MSMB: variants seen among roughly 807,000 people sequenced by gnomAD.
The protein encoded by MSMB is beta-microseminoprotein.
A neutral mutation model predicts 10.5 loss-of-function variants in MSMB; 10 were observed. That is an observed-to-expected ratio of 0.95 (90% CI 0.59 to 1.62). The LOEUF (loss-of-function observed/expected upper bound fraction) is 1.62, where lower values mean the gene tolerates loss of function less well. MSMB is among the 40% of genes most tolerant of loss of function. The pLI is 0.00. For missense variants in MSMB, 126 were observed against 137.4 expected (o/e 0.92, Z 0.42); for synonymous variants, 43 against 46.5 (o/e 0.93, Z 0.30).
At chr10:46,035,165 T>C (rs1469072409) in intron 3 of MSMB, among the ~76,000 whole-genome samples, 2 of 152,162 alleles carry the variant, frequency 1.3e-5, no homozygotes, top group Non-Finnish European at 2.9e-5. Flanking sequence ...TGTTTAAAGG[T>C]GATTGCTGGC....
chr10:46,043,755 A>G (rs1477645546), intron 1 of MSMB, among the ~76,000 whole-genome samples: 8 of 151,858 alleles, frequency 5.3e-5, no homozygotes. Flanking sequence ...GCTCACTGCA[A>G]CCTCCGCCTC....
At chr10:46,041,794 T>TA (rs543118188) in intron 1 of MSMB, among the ~76,000 whole-genome samples, 1,901 of 140,828 alleles carry the variant, frequency 0.013, 33 homozygotes, top group African/African-American at 0.046. Flanking sequence ...ACCCTGTCTT[T>TA]AAAAAAAAAA....
chr10:46,043,818 G>A (rs1840809996), intron 1 of MSMB, among the ~76,000 whole-genome samples: 2 of 152,138 alleles, frequency 1.3e-5, no homozygotes, highest in Non-Finnish European at 2.9e-5. Context: ...GGGATTACAG[G>A]AGTGCACCAC....
intron 1 of MSMB, among the ~76,000 whole-genome samples, chr10:46,044,519 T>G (rs1168093760): frequency 7.7e-6 from 1 of 130,200 alleles, no homozygotes; most frequent in Non-Finnish European, 1.5e-5. Flanking sequence ...GAGCTTGCAG[T>G]GAGCCGAGAT....
At chr10:46,041,510 TAGGG>T (rs1425445116) in intron 1 of MSMB, among the ~76,000 whole-genome samples, 1 of 152,088 alleles carries the variant, frequency 6.6e-6, no homozygotes. Flanking sequence ...AATAGAAAGA[TAGGG>T]AGGGCACAGT....
intron 3 of MSMB, among the ~76,000 whole-genome samples, 193 bp downstream of exon 3, chr10:46,038,773 G>A (rs528075506): frequency 6.6e-6 from 1 of 152,274 alleles, no homozygotes; most frequent in Non-Finnish European, 1.5e-5. Flanking sequence ...GCATGTGTGA[G>A]GGCAGGAGGC....
At chr10:46,043,435 G>C (rs10994163) in intron 1 of MSMB, among the ~76,000 whole-genome samples, 5 of 124,372 alleles carry the variant, frequency 4.0e-5, no homozygotes, top group African/African-American at 8.9e-5. Flanking sequence ...CTCCCTTTCT[G>C]TCTCTCTCTC....
intron 3 of MSMB, among the ~76,000 whole-genome samples, chr10:46,038,567 C>T (rs757136918): frequency 4.3e-4 from 65 of 152,198 alleles, no homozygotes; most frequent in Middle Eastern, 3.4e-3. Context: ...GGATTACAGG[C>T]GTGAGCCATT....
intron 1 of MSMB, among the ~76,000 whole-genome samples, chr10:46,044,472 A>C (rs1237941969): frequency 7.6e-5 from 11 of 144,852 alleles, no homozygotes; most frequent in Non-Finnish European, 1.7e-4. Flanking sequence ...GCTACTCAGG[A>C]GGCTGAGGCA....
intron 3 of MSMB, among the ~76,000 whole-genome samples, chr10:46,035,516 C>A (rs782787851): frequency 2.0e-5 from 3 of 152,176 alleles, no homozygotes; most frequent in Non-Finnish European, 4.4e-5. Flanking sequence ...CATGAATGAA[C>A]CTTGACAACA....
chr10:46,043,000 A>C (rs1554928841), intron 1 of MSMB, among the ~76,000 whole-genome samples: 1 of 152,254 alleles, frequency 6.6e-6, no homozygotes. Context: ...AGCTCAAGCC[A>C]GGACTTGGAG....
At chr10:46,033,973 A>G (rs1206515741) in intron 3 of MSMB, among the ~76,000 whole-genome samples, 4 of 152,236 alleles carry the variant, frequency 2.6e-5, no homozygotes, top group Non-Finnish European at 4.4e-5. Flanking sequence ...GAGTCACTCC[A>G]GGCCAGTGTC....
chr10:46,033,671 G>T, intron 3 of MSMB, 120 bp from the exon 4 acceptor site: 1 of 1,453,806 alleles, frequency 6.9e-7, no homozygotes, highest in Non-Finnish European at 9.3e-7. Context: ...CCTTTGGCTG[G>T]CAGCCCCAGA....
At chr10:46,043,108 C>T (rs905496441) in intron 1 of MSMB, among the ~76,000 whole-genome samples, 4 of 152,084 alleles carry the variant, frequency 2.6e-5, no homozygotes, top group African/African-American at 4.8e-5. Context: ...TTGTTGACAG[C>T]ATTTTTACTC....
At chr10:46,034,525 C>A (rs1291841681) in intron 3 of MSMB, among the ~76,000 whole-genome samples, 3 of 151,518 alleles carry the variant, frequency 2.0e-5, no homozygotes, top group African/African-American at 7.3e-5. Flanking sequence ...AGAAAAGAGA[C>A]ATAAAGAAAT....
At chr10:46,042,217 C>T (rs909314779) in intron 1 of MSMB, among the ~76,000 whole-genome samples, 10 of 152,072 alleles carry the variant, frequency 6.6e-5, no homozygotes, top group Non-Finnish European at 2.9e-5. Flanking sequence ...AATATCATTA[C>T]ATACCAATGG....
intron 3 of MSMB, among the ~76,000 whole-genome samples, chr10:46,037,160 T>C (rs1444203385): frequency 6.6e-6 from 1 of 152,198 alleles, no homozygotes; most frequent in Non-Finnish European, 1.5e-5. Context: ...CTAAGTCAAG[T>C]GCTTGCTTCT....
At position 46,039,977 on chromosome 10, in the gene MSMB, A is replaced by G. The variant is rs782198607; in HGVS notation, c.109+9T>C. The G allele has an allele frequency of 6.2e-7, 1 of 1,607,892 alleles. No homozygotes were observed. The highest frequency in any genetic ancestry group is 8.5e-7 in the Non-Finnish European group (1 of 1,174,448). On this transcript the variant is annotated intron_variant, in intron 2 of 3. Transcript: ENST00000582163. ...ATAACATAATAAACATTGAAAAGCC[A>G]AGACTTACTCCTGGTTGAATCTCCT...
chr10:46,038,474 A>C (rs782679816), intron 3 of MSMB, among the ~76,000 whole-genome samples: 4 of 152,188 alleles, frequency 2.6e-5, no homozygotes, highest in Non-Finnish European at 5.9e-5. Flanking sequence ...TATTTTTAGT[A>C]GAGACGGGGT....
Sources: gnomAD v4.1 joint callset for allele counts (sites outside exome capture counted in the v4.1 genomes callset) on GRCh38, gnomAD v4.1.1 for gene constraint, MANE v1.5 for transcripts, NCBI Gene and HGNC (gene_info 2026-07-23, HGNC 2026-07-21) for gene names.